ASB2: variants seen among roughly 807,000 people sequenced by gnomAD.
ASB2 encodes ankyrin repeat and SOCS box containing 2.
A neutral mutation model predicts 62.4 loss-of-function variants in ASB2; 58 were observed. The ratio of observed to expected loss-of-function variants is 0.93; its 90% confidence interval spans 0.75 to 1.16. ASB2 has a LOEUF of 1.16. Among genes scored for constraint, ASB2 ranks in the 50% most tolerant of loss-of-function variants. The pLI, the probability that ASB2 is intolerant of heterozygous loss-of-function variation, is 0.00. For missense variants in ASB2, 928 were observed against 887.9 expected (o/e 1.05, Z -0.57); for synonymous variants, 386 against 385.3 (o/e 1.00, Z -0.02).
At chr14:93,974,380 G>A (rs1889849187) in intron 1 of ASB2, among the ~76,000 whole-genome samples, 1 of 152,222 alleles carries the variant, frequency 6.6e-6, no homozygotes, top group Admixed American at 6.5e-5. Flanking sequence ...TAAGGAAAGA[G>A]AACCACAGAC....
chr14:93,944,855 C>T (rs747145232), intron 7 of ASB2, among the ~76,000 whole-genome samples: 1 of 152,186 alleles, frequency 6.6e-6, no homozygotes, highest in Non-Finnish European at 1.5e-5. Context: ...TCTGATCATC[C>T]GCAAGGCCAC....
chr14:93,966,176 G>A (rs1250302507), intron 1 of ASB2, among the ~76,000 whole-genome samples: 1 of 152,240 alleles, frequency 6.6e-6, no homozygotes, highest in Admixed American at 6.5e-5. Flanking sequence ...TTCATAGGGT[G>A]TGGCAGATCC....
chr14:93,953,372 C>G lies in ASB2; in HGVS notation c.614G>C (p.Arg205Pro). ...CTCACCTTTGTAGAGCGGTGTCTCT[C>G]GGGATTTGTTGGAGATGTCCGGCTC... ...GAEPDISNKSRETPLYKACER... is the reference protein window; with the variant it reads ...GAEPDISNKSPETPLYKACER... The change falls in exon 5 of 10, where the codon CGA becomes CCA. Residue 205 changes from arginine to proline, a missense_variant. Arg to Pro is a moderately radical substitution (Grantham distance 103, BLOSUM62 -2). Transcript: ENST00000555019. 1 of 1,590,094 alleles carries G rather than the reference C, an allele frequency of 6.3e-7. No homozygotes were observed. Among genetic ancestry groups the G allele is most frequent in the Non-Finnish European group, 8.6e-7 (1 of 1,161,000 alleles).
chr14:93,956,992 G>A (rs1327123786), intron 2 of ASB2, 122 bp from the exon 3 acceptor site: 16 of 1,538,540 alleles, frequency 1.0e-5, no homozygotes, highest in African/African-American at 2.8e-5. Context: ...GACAGACACA[G>A]GGCTCTGAAC....
intron 9 of ASB2, 110 bp from the exon 10 acceptor site, chr14:93,934,902 G>A: frequency 1.2e-6 from 1 of 866,498 alleles, no homozygotes; most frequent in Non-Finnish European, 1.9e-6. Flanking sequence ...GGCTGGGTAA[G>A]AGAGGGAGTG....
Position 93,937,820 on chromosome 14 carries a change from C to T in ASB2, c.1649G>A (p.Ser550Asn), listed in dbSNP as rs778220167. 1.9e-6 allele frequency: 3 copies of T among 1,608,740 alleles called. No individual in the cohort carries two copies. The highest frequency in any genetic ancestry group is 2.6e-6 in the Non-Finnish European group (3 of 1,175,622). Reference sequence around the variant, plus strand: ...ATCGATGATGGGCCCCGCCCAGCGGCTCACCTCTGGGGCAGATACGAACTC... The same window carrying T: ...ATCGATGATGGGCCCCGCCCAGCGGTTCACCTCTGGGGCAGATACGAACTC... ...FCEFVSAPEVSRWAGPIIDVL... is the reference protein window; with the variant it reads ...FCEFVSAPEVNRWAGPIIDVL... The change falls in exon 9 of 10, where the codon AGC becomes AAC. Residue 550 changes from serine (S) to asparagine (N), a missense_variant. Ser to Asn is a conservative substitution (Grantham distance 46). Transcript: ENST00000555019.
At chr14:93,952,860 A>T (rs1392018781) in intron 5 of ASB2, among the ~76,000 whole-genome samples, 2 of 152,270 alleles carry the variant, frequency 1.3e-5, no homozygotes, top group Non-Finnish European at 2.9e-5. Context: ...ACAAATGTCC[A>T]TGGATGATGT....
At chr14:93,961,096 A>G (rs972297948) in intron 2 of ASB2, among the ~76,000 whole-genome samples, 5 of 152,228 alleles carry the variant, frequency 3.3e-5, no homozygotes, top group African/African-American at 1.2e-4. Flanking sequence ...AGCAGAGGCC[A>G]TCATGAGATT....
chr14:93,963,561 T>G (rs1889479974), intron 2 of ASB2, among the ~76,000 whole-genome samples: 2 of 152,218 alleles, frequency 1.3e-5, no homozygotes, highest in South Asian at 4.1e-4. Context: ...TGGCCACATG[T>G]GCTAGGGAGC....
chr14:93,958,834 T>C (rs555476700), intron 2 of ASB2, among the ~76,000 whole-genome samples: 64 of 152,330 alleles, frequency 4.2e-4, no homozygotes, highest in African/African-American at 1.5e-3. Flanking sequence ...TCATACTTAG[T>C]GCATGTGTGG....
At chr14:93,935,930 T>C (rs948945105) in intron 9 of ASB2, among the ~76,000 whole-genome samples, 1 of 152,246 alleles carries the variant, frequency 6.6e-6, no homozygotes, top group African/African-American at 2.4e-5. Context: ...TAAAAAATAA[T>C]GTGGTTACCT....
At chr14:93,935,274 A>G (rs1000334789) in intron 9 of ASB2, among the ~76,000 whole-genome samples, 1 of 152,222 alleles carries the variant, frequency 6.6e-6, no homozygotes, top group Non-Finnish European at 1.5e-5. Flanking sequence ...AGAGACTGAC[A>G]GCTCGCCTCG....
At chr14:93,947,193 C>G (rs1229111382) in intron 7 of ASB2, among the ~76,000 whole-genome samples, 156 bp downstream of exon 7, 1 of 152,240 alleles carries the variant, frequency 6.6e-6, no homozygotes, top group East Asian at 1.9e-4. Context: ...AGGGGTTTCC[C>G]TCCTTTCCAT....
At chr14:93,973,392 GA>G (rs371819439) in intron 1 of ASB2, among the ~76,000 whole-genome samples, 1 of 152,274 alleles carries the variant, frequency 6.6e-6, no homozygotes, top group African/African-American at 2.4e-5. Context: ...TCCAAAAAGA[GA>G]GCAAGAATGA....
intron 9 of ASB2, 84 bp from the exon 10 acceptor site, chr14:93,934,876 G>A: frequency 8.5e-7 from 1 of 1,183,068 alleles, no homozygotes; most frequent in Non-Finnish European, 1.3e-6. Flanking sequence ...GCCTATGGGA[G>A]GTGCCCAGCT....
chr14:93,934,406 G>T lies in ASB2; in HGVS notation c.*250C>A, dbSNP rs985692552. The T allele has an allele frequency of 1.2e-5, 6 of 510,030 alleles. No individual in the cohort carries two copies. The highest frequency in any genetic ancestry group is 2.1e-5 in the Non-Finnish European group (6 of 281,204). 31.6% of individuals were successfully genotyped at this position (510,030 alleles called of 1,614,324 possible). On this transcript the variant is annotated 3_prime_UTR_variant, in exon 10 of 10. Transcript: ENST00000555019. ...ATAGAGGTTTCTGCCATTCCTGAAG[G>T]TAGAGAAGGTCTGGGATCTGCTCAT...
At chr14:93,953,269 C>T in intron 5 of ASB2, 83 bp downstream of exon 5, 2 of 1,307,920 alleles carry the variant, frequency 1.5e-6, no homozygotes, top group Non-Finnish European at 2.1e-6. Flanking sequence ...GGGTTATGCA[C>T]TTAACGGGAG....
intron 1 of ASB2, among the ~76,000 whole-genome samples, chr14:93,965,846 C>T (rs148812284): frequency 7.9e-5 from 12 of 152,356 alleles, no homozygotes; most frequent in African/African-American, 2.9e-4. Context: ...AGTATGTACA[C>T]TGGGGTTTGC....
chr14:93,949,948 C>T (rs1888890517), intron 6 of ASB2, among the ~76,000 whole-genome samples: 1 of 152,146 alleles, frequency 6.6e-6, no homozygotes, highest in Admixed American at 6.5e-5. Context: ...GGATGCTTAC[C>T]TGGGCAGAGT....
Sources: allele counts gnomAD v4.1 joint callset (sites outside exome capture counted in the v4.1 genomes callset), GRCh38; gene constraint gnomAD v4.1.1; transcripts MANE v1.5; gene names NCBI Gene and HGNC (gene_info 2026-07-23, HGNC 2026-07-21).